VRK1: variants seen among roughly 807,000 people sequenced by gnomAD.
VRK1 encodes the protein serine/threonine-protein kinase VRK1.
In VRK1, 33 loss-of-function variants were observed where a neutral mutation model predicts 57.1. The observed-to-expected ratio is 0.58, with a 90% CI of 0.44 to 0.77. The LOEUF (loss-of-function observed/expected upper bound fraction) is 0.77. Among genes scored for constraint, VRK1 ranks in the 30% least tolerant of loss-of-function variants. The pLI is 0.00. For synonymous variants in VRK1, 137 were observed against 147.8 expected (o/e 0.93, Z 0.53); for missense variants, 413 against 477.3 (o/e 0.87, Z 1.25).
At chr14:96,808,031 G>C (rs1220265389) in intron 1 of VRK1, among the ~76,000 whole-genome samples, 1,051 of 75,238 alleles carry the variant, frequency 0.014, 5 homozygotes, top group Middle Eastern at 0.029. Flanking sequence ...GTGTGTGTGT[G>C]TGTGTGTGTG....
chr14:96,849,932 G>A (rs753771509), intron 5 of VRK1, among the ~76,000 whole-genome samples: 32 of 152,158 alleles, frequency 2.1e-4, no homozygotes, highest in Non-Finnish European at 3.4e-4. Flanking sequence ...GTCCAAGGTT[G>A]ACTCTGTAAG....
chr14:96,804,561 G>A (rs979138171), intron 1 of VRK1, among the ~76,000 whole-genome samples: 4 of 152,152 alleles, frequency 2.6e-5, no homozygotes, highest in East Asian at 3.8e-4. Context: ...TCATTGGTTC[G>A]TGAAAAAGAA....
chr14:96,818,028 A>G (rs1376120465), intron 1 of VRK1, among the ~76,000 whole-genome samples: 3 of 149,150 alleles, frequency 2.0e-5, no homozygotes, highest in African/African-American at 7.8e-5. Flanking sequence ...TGTCTTCATC[A>G]CTTTCGTTTC....
intron 1 of VRK1, among the ~76,000 whole-genome samples, chr14:96,810,267 A>T (rs574270350): frequency 6.6e-6 from 1 of 152,324 alleles, no homozygotes; most frequent in South Asian, 2.1e-4. Flanking sequence ...CCTGTCTTAC[A>T]GCTTGTCATT....
intron 1 of VRK1, among the ~76,000 whole-genome samples, chr14:96,822,126 G>A (rs977404655): frequency 7.0e-5 from 10 of 143,122 alleles, no homozygotes; most frequent in South Asian, 2.2e-4. Flanking sequence ...CATATGACAT[G>A]TTTTAATTTT....
At chr14:96,847,447 GC>G in intron 5 of VRK1, 103 bp downstream of exon 5, 1 of 885,796 alleles carries the variant, frequency 1.1e-6, no homozygotes, top group Non-Finnish European at 1.9e-6. Context: ...ATATTACTAG[GC>G]CTCCCTCTGG....
chr14:96,878,807 T>A (rs991080185), intron 12 of VRK1, among the ~76,000 whole-genome samples: 3 of 152,276 alleles, frequency 2.0e-5, no homozygotes, highest in Admixed American at 6.5e-5. Context: ...AAGTAATTTT[T>A]CCCCTCACAA....
At chr14:96,801,444 A>G (rs1048230346) in intron 1 of VRK1, among the ~76,000 whole-genome samples, 1 of 152,158 alleles carries the variant, frequency 6.6e-6, no homozygotes, top group South Asian at 2.1e-4. Flanking sequence ...AGGGAGAGAA[A>G]CTGTTAATGT....
At chr14:96,830,113 A>G (rs1886948753) in intron 1 of VRK1, among the ~76,000 whole-genome samples, 1 of 152,166 alleles carries the variant, frequency 6.6e-6, no homozygotes, top group African/African-American at 2.4e-5. Flanking sequence ...TTTTCCTTAT[A>G]AAATATCTGC....
At chr14:96,801,470 T>C (rs1411268146) in intron 1 of VRK1, among the ~76,000 whole-genome samples, 1 of 152,206 alleles carries the variant, frequency 6.6e-6, no homozygotes, top group African/African-American at 2.4e-5. Context: ...CTGTAGTCTT[T>C]AGAGTTGCTT....
rs1478722226 is a variant in VRK1 at position 96,856,160 on chromosome 14, T to G, written c.740T>G (p.Leu247Arg). 2 of 1,613,686 alleles carry G rather than the reference T, an allele frequency of 1.2e-6. No homozygotes were observed. Among genetic ancestry groups the G allele is most frequent in the Non-Finnish European group, 1.7e-6 (2 of 1,179,816 alleles). Reference protein sequence around the residue: ...APSRRGDLEILGYCMIQWLTG... With the variant: ...APSRRGDLEIRGYCMIQWLTG... ...TCAAGACGTGGTGATTTGGAAATAC[T>G]TGGTTATTGCATGATCCAATGGCTT... The change falls in exon 9 of 13, where the codon CTT (leucine) becomes CGT (arginine). Residue 247 changes from leucine (L) to arginine (R), a missense_variant. Coordinates refer to ENST00000216639, the MANE Select transcript of VRK1 (RefSeq NM_003384.3).
In VRK1 at chr14:96,846,172, A is replaced by G; in HGVS notation, c.286+8A>G. On this transcript the variant is annotated splice_region_variant and intron_variant, in intron 4 of 12. Coordinates refer to ENST00000216639, the MANE Select transcript of VRK1 (RefSeq NM_003384.3). Reference sequence around the variant, plus strand: ...CTGCAAAACCAGAGCAAAGTAAGAAATACAGTACACATACGTTTACACTTT... The same window carrying G: ...CTGCAAAACCAGAGCAAAGTAAGAAGTACAGTACACATACGTTTACACTTT... 10 of 1,612,938 alleles carry G rather than the reference A, an allele frequency of 6.2e-6. No individual in the cohort carries two copies. The highest frequency in any genetic ancestry group is 8.5e-6 in the Non-Finnish European group (10 of 1,179,130).
chr14:96,860,879 A>C, intron 11 of VRK1, 144 bp downstream of exon 11: 2 of 745,872 alleles, frequency 2.7e-6, no homozygotes, highest in Non-Finnish European at 4.4e-6. Flanking sequence ...AATACAGAAA[A>C]TGTGTAGAGG....
chr14:96,806,291 G>A (rs947588564), intron 1 of VRK1, among the ~76,000 whole-genome samples: 1 of 152,220 alleles, frequency 6.6e-6, no homozygotes, highest in Non-Finnish European at 1.5e-5. Context: ...GTATATAAGA[G>A]CTTCTTGGCT....
intron 11 of VRK1, among the ~76,000 whole-genome samples, chr14:96,874,221 T>G (rs930631664): frequency 6.6e-6 from 1 of 152,204 alleles, no homozygotes; most frequent in African/African-American, 2.4e-5. Context: ...AAAGTGTCTG[T>G]GTTTATTCTT....
intron 5 of VRK1, among the ~76,000 whole-genome samples, chr14:96,849,402 G>A (rs1466505859): frequency 2.0e-5 from 3 of 151,756 alleles, no homozygotes; most frequent in South Asian, 4.2e-4. Context: ...TTTTAGACTT[G>A]GAATAACAGC....
intron 5 of VRK1, among the ~76,000 whole-genome samples, chr14:96,852,532 A>AT (rs1354334073): frequency 6.6e-6 from 1 of 152,080 alleles, no homozygotes; most frequent in Non-Finnish European, 1.5e-5. Flanking sequence ...AGCTTGTTTT[A>AT]TTTTTACCGT....
intron 10 of VRK1, among the ~76,000 whole-genome samples, chr14:96,857,519 T>TA (rs1356485698): frequency 6.6e-6 from 1 of 152,062 alleles, no homozygotes; most frequent in East Asian, 1.9e-4. Context: ...GTGAGGTTTG[T>TA]AGTAGAAGAG....
intron 1 of VRK1, among the ~76,000 whole-genome samples, chr14:96,827,039 G>A (rs1040041101): frequency 6.6e-6 from 1 of 152,064 alleles, no homozygotes; most frequent in African/African-American, 2.4e-5. Flanking sequence ...AAAGAAAGGG[G>A]CACACCCTGA....
Sources: gnomAD v4.1 joint callset for allele counts (sites outside exome capture counted in the v4.1 genomes callset) on GRCh38, gnomAD v4.1.1 for gene constraint, MANE v1.5 for transcripts, NCBI Gene and HGNC (gene_info 2026-07-23, HGNC 2026-07-21) for gene names.